Variants in LUZP2 observed in about 807,000 individuals in gnomAD.
LUZP2 encodes leucine zipper protein 2.
In LUZP2, 52 loss-of-function variants were observed where a neutral mutation model predicts 51.6. The ratio of observed to expected loss-of-function variants is 1.01; its 90% CI spans 0.81 to 1.27. The LOEUF is 1.27. LUZP2 is among the 50% of genes most tolerant of loss of function. The probability of loss-of-function intolerance (pLI) is 0.00; values close to 1 mark genes in which losing one functional copy is unlikely to be tolerated. For synonymous variants in LUZP2, 154 were observed against 137.3 expected (o/e 1.12, Z -0.85); for missense variants, 436 against 395.4 (o/e 1.10, Z -0.87).
chr11:24,810,882 CT>C (rs1486123101), intron 5 of LUZP2, among the ~76,000 whole-genome samples: 1 of 152,084 alleles, frequency 6.6e-6, no homozygotes, highest in Non-Finnish European at 1.5e-5. Flanking sequence ...ACTGATTTGC[CT>C]TTATCCTGTG....
chr11:25,071,635 C>T lies in LUZP2; in HGVS notation c.859-5694C>T, dbSNP rs921216183. ...AGGAAGGCAAATTATTAAACTTACA[C>T]AGGGTGGGGAACATCACACACCGGG... is the stretch of plus-strand genomic sequence containing the variant. On this transcript the variant is annotated intron_variant, in intron 10 of 11. Transcript: ENST00000336930. Among the ~76,000 whole-genome samples the T allele has an allele frequency of 7.9e-5, 12 of 151,374 alleles. No homozygotes were observed. The Admixed American group carries it at 7.9e-4, about 10-fold the overall frequency.
At chr11:24,562,825 G>A (rs1286466243) in intron 1 of LUZP2, among the ~76,000 whole-genome samples, 2 of 148,898 alleles carry the variant, frequency 1.3e-5, no homozygotes, top group Non-Finnish European at 3.0e-5. Context: ...TCACGCCACT[G>A]CACTCCAGCC....
At chr11:24,901,997 A>G (rs1314316908) in intron 5 of LUZP2, among the ~76,000 whole-genome samples, 4 of 152,164 alleles carry the variant, frequency 2.6e-5, no homozygotes, top group Admixed American at 1.3e-4. Context: ...GGTCTCCCTT[A>G]ATAAATCAAA....
chr11:24,786,833 G>T (rs954022863), intron 5 of LUZP2: 1 of 151,126 alleles, frequency 6.6e-6, no homozygotes, highest in Non-Finnish European at 1.5e-5. Context: ...TTTCTTTCAG[G>T]TATTTTTATA....
chr11:25,023,562 TATCAATTTTCAA>T (rs1421084956), intron 9 of LUZP2, among the ~76,000 whole-genome samples: 41 of 102,722 alleles, frequency 4.0e-4, no homozygotes, highest in African/African-American at 2.1e-3. Flanking sequence ...GCTAGCGGTA[TATCAATTTTCAA>T]AAAAACCAGC....
chr11:24,599,374 A>T (rs1853547943), intron 1 of LUZP2, among the ~76,000 whole-genome samples: 1 of 152,092 alleles, frequency 6.6e-6, no homozygotes, highest in African/African-American at 2.4e-5. Context: ...AGATCATCTG[A>T]CCATCGTTCT....
chr11:24,894,453 GC>G (rs1225290672), intron 5 of LUZP2, among the ~76,000 whole-genome samples: 1 of 152,102 alleles, frequency 6.6e-6, no homozygotes, highest in African/African-American at 2.4e-5. Flanking sequence ...GGGATTACAG[GC>G]ATGAGCCACC....
intron 9 of LUZP2, among the ~76,000 whole-genome samples, chr11:24,988,620 T>C (rs117715813): frequency 1.9e-3 from 294 of 152,168 alleles, no homozygotes; most frequent in Non-Finnish European, 2.4e-3. Flanking sequence ...TGTGGTCCTT[T>C]ATGAAATAGT....
intron 1 of LUZP2, among the ~76,000 whole-genome samples, chr11:24,498,607 T>A (rs1175083995): frequency 6.6e-6 from 1 of 152,240 alleles, no homozygotes; most frequent in Non-Finnish European, 1.5e-5. Flanking sequence ...GCTCATAAAG[T>A]GCAGATGGTT....
chr11:24,638,075 A>G (rs933161716), intron 1 of LUZP2, among the ~76,000 whole-genome samples: 79 of 151,916 alleles, frequency 5.2e-4, no homozygotes, highest in African/African-American at 1.9e-3. Context: ...CTTAGGGAAA[A>G]TAGAAAAGAA....
At chr11:25,018,619 TTTTTTTTA>T (rs59458283) in intron 9 of LUZP2, among the ~76,000 whole-genome samples, 2,747 of 93,588 alleles carry the variant, frequency 0.029, 77 homozygotes, top group East Asian at 0.11. Flanking sequence ...TTTTTTTTTT[TTTTTTTTA>T]AAGACACTCT....
chr11:24,737,133 T>C (rs554551315), intron 3 of LUZP2, among the ~76,000 whole-genome samples: 1 of 152,200 alleles, frequency 6.6e-6, no homozygotes, highest in East Asian at 1.9e-4. Context: ...TCAGTGGTTA[T>C]TGCCATGACC....
At chr11:24,681,359 A>G (rs763926328) in intron 1 of LUZP2, among the ~76,000 whole-genome samples, 3 of 152,134 alleles carry the variant, frequency 2.0e-5, no homozygotes, top group Non-Finnish European at 2.9e-5. Flanking sequence ...ATTCATAGAG[A>G]CATTCTAAGA....
At chr11:24,839,416 A>G (rs1850956671) in intron 5 of LUZP2, among the ~76,000 whole-genome samples, 1 of 151,720 alleles carries the variant, frequency 6.6e-6, no homozygotes, top group Non-Finnish European at 1.5e-5. Flanking sequence ...AGAGGTTAAA[A>G]CTTCTAGATT....
intron 1 of LUZP2, among the ~76,000 whole-genome samples, chr11:24,516,514 C>A (rs1183854261): frequency 6.6e-6 from 1 of 152,130 alleles, no homozygotes; most frequent in Non-Finnish European, 1.5e-5. Context: ...CTACACAAGG[C>A]TGATTTATGA....
rs11028206 is a variant in LUZP2 at position 24,836,704 on chromosome 11, T to C, written c.397-69287T>C. Among the ~76,000 whole-genome samples, 976 of 151,978 alleles carry C rather than the reference T, an allele frequency of 6.4e-3. 42 individuals carry two copies. In the East Asian group the frequency reaches 0.13, roughly 20 times the overall value. ...GTAATCTTCAAAAATATCAAGGTTA[T>C]GAAGCCACACACACACAAGGGCTTA... On this transcript the variant is annotated intron_variant, in intron 5 of 11. Transcript: ENST00000336930.
chr11:24,966,985 G>C (rs956560539), intron 7 of LUZP2, among the ~76,000 whole-genome samples: 1 of 150,366 alleles, frequency 6.7e-6, no homozygotes, highest in African/African-American at 2.4e-5. Flanking sequence ...TTGAATTACA[G>C]TTTGTCTTTC....
At chr11:24,789,065 G>T (rs1027006940) in intron 5 of LUZP2, among the ~76,000 whole-genome samples, 1 of 152,080 alleles carries the variant, frequency 6.6e-6, no homozygotes. Context: ...AAAACAGAAG[G>T]CTTCCATGCT....
rs1859793385 is a variant in LUZP2, at chr11:24,756,821, T to C, written c.334-6425T>C. ...TCCCACAGGTTGAAGGCTCAGTCAC[T>C]AAGATTGCTTCCCCTGCTCAGACAC... On this transcript the variant is annotated intron_variant, in intron 4 of 11. Transcript: ENST00000336930. Among the ~76,000 whole-genome samples the C allele has an allele frequency of 1.3e-5, 2 of 152,162 alleles. 1 individual carries two copies. The highest frequency in any genetic ancestry group is 4.1e-4 in the South Asian group (2 of 4,828).
Sources: allele counts gnomAD v4.1 joint callset (sites outside exome capture counted in the v4.1 genomes callset), GRCh38; gene constraint gnomAD v4.1.1; transcripts MANE v1.5; gene names NCBI Gene and HGNC (gene_info 2026-07-23, HGNC 2026-07-21).